The following PLA2G5 variants were observed in gnomAD, a reference collection of about 807,000 sequenced individuals.
PLA2G5 encodes the protein Ca2+-dependent phospholipase A2.
Under a neutral mutation model 15.9 loss-of-function variants are expected in PLA2G5, and 12 were observed. The observed-to-expected ratio is 0.76, with a 90% CI of 0.48 to 1.23. PLA2G5 has a LOEUF of 1.23. PLA2G5 is among the 50% of genes most tolerant of loss of function. The pLI is 0.00. For synonymous variants in PLA2G5, 71 were observed against 71.4 expected, an observed-to-expected ratio of 0.99 and a Z score of 0.03; for missense variants, 169 against 177.1, an observed-to-expected ratio of 0.95 and a Z score of 0.26.
chr1:20,030,274 G>T (rs1459548615), intron 1 of PLA2G5, among the ~76,000 whole-genome samples: 2 of 151,862 alleles, frequency 1.3e-5, no homozygotes, highest in African/African-American at 2.4e-5. Context: ...TGGAGAGAGG[G>T]TCAGCAGGGA....
chr1:20,090,709 C>G lies in PLA2G5; in HGVS notation c.*17C>G. On this transcript the variant is annotated 3_prime_UTR_variant, in exon 5 of 5. Coordinates refer to ENST00000375108, the MANE Select transcript of PLA2G5 (RefSeq NM_000929.3). ...TGCTCCTAGGCCTCCCCAGCGAGCTCCTCCCAGACCAAGACTTTTGTTCTG... is the reference window on the plus strand; with the variant it reads ...TGCTCCTAGGCCTCCCCAGCGAGCTGCTCCCAGACCAAGACTTTTGTTCTG... 1 of 1,613,650 alleles carries G rather than the reference C, an allele frequency of 6.2e-7. No individual in the cohort carries two copies. The highest frequency in any genetic ancestry group is 8.5e-7 in the Non-Finnish European group (1 of 1,179,556).
intron 1 of PLA2G5, among the ~76,000 whole-genome samples, chr1:20,075,574 C>G (rs560724901): frequency 6.6e-6 from 1 of 152,188 alleles, no homozygotes; most frequent in Non-Finnish European, 1.5e-5. Context: ...AATAAGTGGT[C>G]GTTCCAGGGC....
At chr1:20,040,466 TG>T (rs2013526027) in intron 1 of PLA2G5, among the ~76,000 whole-genome samples, 1 of 152,130 alleles carries the variant, frequency 6.6e-6, no homozygotes, top group South Asian at 2.1e-4. Context: ...TTTTCTGAGA[TG>T]TCATGGTTCT....
At chr1:20,051,425 C>A (rs561361458) in intron 1 of PLA2G5, among the ~76,000 whole-genome samples, 30 of 152,306 alleles carry the variant, frequency 2.0e-4, no homozygotes, top group African/African-American at 7.0e-4. Context: ...ATCTTTTTGA[C>A]TTTTTGCTTA....
chr1:20,053,228 C>T (rs937634205), intron 1 of PLA2G5, among the ~76,000 whole-genome samples: 7 of 152,122 alleles, frequency 4.6e-5, no homozygotes, highest in African/African-American at 1.7e-4. Flanking sequence ...ATTTATAACT[C>T]TTTTATCTGA....
intron 3 of PLA2G5, among the ~76,000 whole-genome samples, chr1:20,087,447 G>A (rs969560649): frequency 3.9e-5 from 6 of 151,944 alleles, no homozygotes; most frequent in Admixed American, 1.3e-4. Context: ...AGGCTGGAGT[G>A]CAGTGGCGCA....
intron 1 of PLA2G5, among the ~76,000 whole-genome samples, chr1:20,030,916 G>A (rs1325683702): frequency 6.6e-6 from 1 of 152,176 alleles, no homozygotes; most frequent in Non-Finnish European, 1.5e-5. Flanking sequence ...AGCATCTCAA[G>A]GCAGAATAAT....
At chr1:20,059,542 T>G (rs759255945) in intron 1 of PLA2G5, 2 of 152,106 alleles carry the variant, frequency 1.3e-5, no homozygotes, top group African/African-American at 2.4e-5. Flanking sequence ...GGGAAGAGGG[T>G]TATGCATCAG....
At chr1:20,068,581 A>G (rs2015175012), upstream of PLA2G5, among the ~76,000 whole-genome samples, 1 of 150,914 alleles carries the variant, frequency 6.6e-6, no homozygotes, top group Admixed American at 6.6e-5. Context: ...CCTCCTGAGT[A>G]GCTGGGATTA....
Position 20,057,319 on chromosome 1 carries a change from CT to C in PLA2G5, n.277-2302del, listed in dbSNP as rs34779534. Among the ~76,000 whole-genome samples, 130 of 143,246 alleles carry C rather than the reference CT, an allele frequency of 9.1e-4. No homozygotes were observed. In the South Asian group the frequency reaches 9.5e-3, roughly 10 times the overall value. The allele number at this position is 143,246 out of a possible 152,430, so 94.0% of individuals were successfully genotyped here. A position where few individuals can be genotyped will look rare whatever the true frequency, so the allele number is the denominator to read the frequency against. ...GAAGCTTAGATTATTGGTTTTAGGT[CT>C]TTTTTTTTTTCTAATGTGTGTGTTC... On this transcript the variant is annotated intron_variant and non_coding_transcript_variant, in intron 1 of 6. Transcript: ENST00000460175.
At chr1:20,057,141 T>C in intron 1 of PLA2G5, among the ~76,000 whole-genome samples, 1 of 152,250 alleles carries the variant, frequency 6.6e-6, no homozygotes, top group South Asian at 2.1e-4. Flanking sequence ...ATAATTTTGC[T>C]GATATTTTCA....
chr1:20,058,737 G>A (rs771834798), intron 1 of PLA2G5, among the ~76,000 whole-genome samples: 2 of 152,124 alleles, frequency 1.3e-5, no homozygotes, highest in Admixed American at 6.6e-5. Context: ...GCAGCTTCTC[G>A]ATTTGACAAG....
chr1:20,079,706 G>A (rs1044291735), intron 1 of PLA2G5, among the ~76,000 whole-genome samples: 4 of 152,032 alleles, frequency 2.6e-5, no homozygotes, highest in Non-Finnish European at 1.5e-5. Flanking sequence ...GGAGCCTCTG[G>A]GTTTGGAGGG....
intron 2 of PLA2G5, among the ~76,000 whole-genome samples, chr1:20,060,535 G>A (rs528519592): frequency 6.6e-6 from 1 of 152,044 alleles, no homozygotes; most frequent in Non-Finnish European, 1.5e-5. Flanking sequence ...TTACAGACGT[G>A]AGCCACCATG....
At chr1:20,071,115 G>T (rs1296141379) in intron 1 of PLA2G5, among the ~76,000 whole-genome samples, 2 of 152,186 alleles carry the variant, frequency 1.3e-5, no homozygotes, top group Non-Finnish European at 2.9e-5. Flanking sequence ...GCTGGGCACA[G>T]GTGTGAGTCA....
At chr1:20,038,438 A>G (rs1244237749) in intron 1 of PLA2G5, among the ~76,000 whole-genome samples, 2 of 152,184 alleles carry the variant, frequency 1.3e-5, no homozygotes, top group Non-Finnish European at 2.9e-5. Flanking sequence ...GGGGATCAGG[A>G]ATGCCCACAG....
upstream of PLA2G5, chr1:20,068,799 G>A (rs2015187991): frequency 2.4e-6 from 1 of 415,378 alleles, no homozygotes; most frequent in Middle Eastern, 7.1e-4. Context: ...CAACTGGCAT[G>A]CTTACAGAAT....
chr1:20,080,597 A>C (rs571915), intron 1 of PLA2G5, among the ~76,000 whole-genome samples: 20,818 of 149,866 alleles, frequency 0.14, 2,209 homozygotes, highest in African/African-American at 0.28. Context: ...CAACCAAAAT[A>C]AACAACTGCT....
At chr1:20,038,556 A>T (rs2013406572) in intron 1 of PLA2G5, among the ~76,000 whole-genome samples, 1 of 152,278 alleles carries the variant, frequency 6.6e-6, no homozygotes, top group African/African-American at 2.4e-5. Flanking sequence ...TTGAGAGGCC[A>T]AGGCAGGAGG....
Sources: allele counts gnomAD v4.1 joint callset (sites outside exome capture counted in the v4.1 genomes callset), GRCh38; gene constraint gnomAD v4.1.1; transcripts MANE v1.5; gene names NCBI Gene and HGNC (gene_info 2026-07-23, HGNC 2026-07-21).